The following TIMD4 variants were observed in gnomAD, a reference collection of about 807,000 sequenced individuals.
The protein encoded by TIMD4 is T cell immunoglobulin and mucin domain containing 4, also known as T-cell immunoglobulin and mucin domain-containing protein 4.
A neutral mutation model predicts 41.2 loss-of-function variants in TIMD4; 31 were observed. The observed-to-expected ratio is 0.75, with a 90% confidence interval of 0.57 to 1.01. The LOEUF (loss-of-function observed/expected upper bound fraction) is 1.01, where lower values mean the gene tolerates loss of function less well. Among genes scored for constraint, TIMD4 ranks in the 50% least tolerant of loss-of-function variants. The pLI is 0.00. For synonymous variants in TIMD4, 204 were observed against 177.1 expected (o/e 1.15, Z -1.21); for missense variants, 479 against 472.5 (o/e 1.01, Z -0.13).
At position 156,919,383 on chromosome 5, in the gene TIMD4, A is replaced by G; in HGVS notation, c.*74T>C. On this transcript the variant is annotated 3_prime_UTR_variant, in exon 9 of 9. Transcript: ENST00000274532. ...ATAAGTGAGTCTTTTTTATGAAACA[A>G]GGAAATCTACTAAGACTTATTTTGA... 7.3e-7 allele frequency: 1 copy of G among 1,370,568 alleles called. No individual in the cohort carries two copies. The highest frequency in any genetic ancestry group is 1.0e-6 in the Non-Finnish European group (1 of 969,016). 84.9% of individuals were successfully genotyped at this position (1,370,568 alleles called of 1,614,324 possible).
At chr5:156,947,965 A>G (rs1759774658) in intron 5 of TIMD4, among the ~76,000 whole-genome samples, 1 of 152,248 alleles carries the variant, frequency 6.6e-6, no homozygotes, top group Admixed American at 6.5e-5. Context: ...TGGTTTTCCT[A>G]CTATCATTCC....
intron 5 of TIMD4, chr5:156,935,571 G>T (rs1759524767): frequency 6.6e-6 from 1 of 152,220 alleles, no homozygotes; most frequent in South Asian, 2.1e-4. Context: ...CAGAGAGCAA[G>T]TTCTGTTGGC....
chr5:156,922,101 C>T lies in TIMD4; in HGVS notation c.1010G>A (p.Arg337Lys). 4.3e-6 allele frequency: 7 copies of T among 1,613,132 alleles called. No individual in the cohort carries two copies. Among genetic ancestry groups the T allele is most frequent in the Non-Finnish European group, 5.9e-6 (7 of 1,179,454 alleles). ...ATCACCTGGCCCTCCCTCCTTACCT[C>T]TCAGGAGAAACGCCACAAACAATGC... The part of the protein sequence containing the change: ...LFALFVAFLL[R>K]GKLMETYCSQ... The change falls in exon 7 of 9, where the codon AGA becomes AAA. Residue 337 changes from arginine to lysine, a missense_variant and splice_region_variant. By Grantham distance (26) the Arg-to-Lys change is conservative. Coordinates refer to ENST00000274532, the MANE Select transcript of TIMD4 (RefSeq NM_138379.3).
intron 5 of TIMD4, among the ~76,000 whole-genome samples, chr5:156,940,561 C>T (rs895204844): frequency 4.0e-5 from 6 of 150,640 alleles, no homozygotes; most frequent in Non-Finnish European, 8.9e-5. Context: ...AGTGCCTCTG[C>T]CCCGCCGCCC....
In TIMD4 at chr5:156,948,484, T is replaced by G. The variant is rs750917300; in HGVS notation, c.776A>C (p.Asp259Ala). The change falls in exon 5 of 9, where the codon GAT becomes GCT. Residue 259 changes from aspartate (D) to alanine (A), a missense_variant. Asp to Ala is a moderately radical substitution (Grantham distance 126). Coordinates refer to ENST00000274532, the MANE Select transcript of TIMD4 (RefSeq NM_138379.3). The stretch of plus-strand genomic sequence containing the variant: ...TGACACGTGGGATGTTGATGGGAGA[T>G]CCCAAACTTTGGACTCTTTGGAAAA... ...LLTSKESKVWDLPSTSHVSMW... is the reference protein window; with the variant it reads ...LLTSKESKVWALPSTSHVSMW... The G allele has an allele frequency of 6.4e-7, 1 of 1,553,668 alleles. No homozygotes were observed. Among genetic ancestry groups the G allele is most frequent in the South Asian group, 1.3e-5 (1 of 79,914 alleles).
intron 4 of TIMD4, among the ~76,000 whole-genome samples, 200 bp downstream of exon 4, chr5:156,949,450 CT>C: frequency 6.6e-6 from 1 of 151,000 alleles, no homozygotes; most frequent in Non-Finnish European, 1.5e-5. Context: ...CCTCCTCCTC[CT>C]CCTTCTCTCT....
chr5:156,926,750 AAATGT>A (rs1228772268), intron 5 of TIMD4, among the ~76,000 whole-genome samples: 12 of 152,362 alleles, frequency 7.9e-5, no homozygotes, highest in African/African-American at 2.9e-4. Flanking sequence ...TGAAATGTAA[AAATGT>A]AATGTAAATA....
chr5:156,951,376 T>A, intron 3 of TIMD4, 136 bp downstream of exon 3: 1 of 1,120,322 alleles, frequency 8.9e-7, no homozygotes, highest in Non-Finnish European at 1.3e-6. Flanking sequence ...CGGTGTTTGT[T>A]TGATAGGCCT....
intron 1 of TIMD4, among the ~76,000 whole-genome samples, chr5:156,960,096 GAA>G (rs11307840): frequency 0.022 from 3,343 of 150,070 alleles, 56 homozygotes; most frequent in South Asian, 0.065. Flanking sequence ...AGGCACCTAT[GAA>G]AAAAAAAACA....
At position 156,963,216 on chromosome 5, in the gene TIMD4, C is replaced by A. The variant is rs752652085; in HGVS notation, c.-18G>T. On this transcript the variant is annotated 5_prime_UTR_variant, in exon 1 of 9. Transcript: ENST00000274532. ...TTGGACATTTTGACGGTTGACCGGA[C>A]CCAGGAGTCTGTCTATCTATCCAAA... 8.1e-6 allele frequency: 13 copies of A among 1,613,856 alleles called. No homozygotes were observed. Among genetic ancestry groups the A allele is most frequent in the Non-Finnish European group, 1.1e-5 (13 of 1,179,882 alleles).
chr5:156,937,604 C>G (rs1444870836), intron 5 of TIMD4, among the ~76,000 whole-genome samples: 2 of 152,162 alleles, frequency 1.3e-5, no homozygotes, highest in African/African-American at 4.8e-5. Context: ...CCCCTTATTT[C>G]TTTTTCACTC....
chr5:156,932,945 A>G (rs1011326384), intron 5 of TIMD4, among the ~76,000 whole-genome samples: 17 of 152,088 alleles, frequency 1.1e-4, no homozygotes, highest in Non-Finnish European at 2.4e-4. Context: ...TGAAGGTTGC[A>G]GTGAGCTGAG....
chr5:156,944,686 T>G (rs1330660975), intron 5 of TIMD4, among the ~76,000 whole-genome samples: 1 of 152,022 alleles, frequency 6.6e-6, no homozygotes, highest in Non-Finnish European at 1.5e-5. Flanking sequence ...TTGTATTTTT[T>G]AGTAGAGACG....
chr5:156,959,862 G>A (rs2113399712), intron 1 of TIMD4, among the ~76,000 whole-genome samples: 1 of 152,160 alleles, frequency 6.6e-6, no homozygotes, highest in South Asian at 2.1e-4. Flanking sequence ...CAAATATGGT[G>A]AAACCCTGTC....
intron 5 of TIMD4, among the ~76,000 whole-genome samples, chr5:156,934,967 A>C (rs1262983767): frequency 1.3e-5 from 2 of 152,216 alleles, no homozygotes. Context: ...CAACTCAAAG[A>C]TACAACTTCA....
At chr5:156,921,375 C>G (rs1425901755) in intron 7 of TIMD4, among the ~76,000 whole-genome samples, 1 of 151,914 alleles carries the variant, frequency 6.6e-6, no homozygotes, top group Non-Finnish European at 1.5e-5. Flanking sequence ...AATCCCAGAG[C>G]TTTGGGAGGC....
chr5:156,920,629 G>A (rs1336719092), intron 7 of TIMD4, 126 bp from the exon 8 acceptor site: 18 of 944,550 alleles, frequency 1.9e-5, no homozygotes, highest in Non-Finnish European at 1.7e-6. Context: ...CCAGTGGCTG[G>A]CTTTGGCAGA....
chr5:156,940,650 A>G (rs148882614), intron 5 of TIMD4, among the ~76,000 whole-genome samples: 42,419 of 145,978 alleles, frequency 0.29, 6,165 homozygotes, highest in Middle Eastern at 0.38. Flanking sequence ...CCACCACCCC[A>G]TCTGGGAGGT....
At chr5:156,940,368 C>T (rs868770058) in intron 5 of TIMD4, among the ~76,000 whole-genome samples, 7 of 152,188 alleles carry the variant, frequency 4.6e-5, no homozygotes, top group Non-Finnish European at 7.3e-5. Context: ...AGCCTCTGCC[C>T]GGCCGCCACC....
Sources: gnomAD v4.1 joint callset for allele counts (sites outside exome capture counted in the v4.1 genomes callset) on GRCh38, gnomAD v4.1.1 for gene constraint, MANE v1.5 for transcripts, NCBI Gene and HGNC (gene_info 2026-07-23, HGNC 2026-07-21) for gene names.